The following NKAP variants were observed in gnomAD, a reference collection of about 807,000 sequenced individuals.
The protein encoded by NKAP is NF-kappa-B-activating protein.
Under a neutral mutation model 35.6 loss-of-function variants are expected in NKAP, and 4 were observed. That is an observed-to-expected ratio of 0.11 (90% confidence interval 0.06 to 0.26). The LOEUF is 0.26. NKAP is among the 10% of genes least tolerant of loss of function. The probability of loss-of-function intolerance (pLI) is 1.00; values close to 1 mark genes in which losing one functional copy is unlikely to be tolerated. For synonymous variants in NKAP, 106 were observed against 119.2 expected, an observed-to-expected ratio of 0.89 and a Z score of 0.72; for missense variants, 238 against 321.9, an observed-to-expected ratio of 0.74 and a Z score of 1.99.
intron 8 of NKAP, among the ~76,000 whole-genome samples, chrX:119,928,586 G>A (rs12719941): frequency 0.021 from 2,293 of 110,917 alleles, 49 homozygotes; most frequent in African/African-American, 0.064. Flanking sequence ...TTTTTAAGAC[G>A]GAGTTTCACT....
At chrX:119,943,103 TG>T in intron 1 of NKAP, 116 bp downstream of exon 1, 1 of 954,237 alleles carries the variant, frequency 1.0e-6, no homozygotes, top group Admixed American at 3.1e-5. Context: ...GGGATGAAAA[TG>T]GGCGCAAGGC....
chrX:119,934,589 A>C (rs1278323315), intron 4 of NKAP, 32 bp from the exon 5 acceptor site: 2 of 1,040,678 alleles, frequency 1.9e-6, no homozygotes, highest in Non-Finnish European at 2.6e-6. Context: ...AATTAAGAAA[A>C]AAATTTTTTA....
intron 1 of NKAP, among the ~76,000 whole-genome samples, chrX:119,939,257 T>A (rs926970294): frequency 3.6e-5 from 4 of 111,185 alleles, no homozygotes; most frequent in African/African-American, 1.3e-4. Context: ...CAACTGAAGT[T>A]CTGAAAATGA....
Position 119,932,172 on chromosome X carries a change from G to T in NKAP, c.782C>A (p.Ser261Tyr). 3.3e-6 allele frequency: 4 copies of T among 1,207,536 alleles called. No individual in the cohort carries two copies. The highest frequency in any genetic ancestry group is 4.5e-6 in the Non-Finnish European group (4 of 892,921). The change falls in exon 6 of 9, where the codon TCC becomes TAC. Residue 261 changes from serine to tyrosine, a missense_variant. Coordinates refer to ENST00000371410, the MANE Select transcript of NKAP (RefSeq NM_024528.4). ...GGATTCTTTAGAGCTTGAATCACTG[G>T]ACTCTTTTCTGCTCTTCTTAGACCT... ...KKRSKKSRKE[S>Y]SDSSSKESQE...
At chrX:119,943,191 A>ACAAGAGAAAGTGCGGCCGTCTCACTTT in intron 1 of NKAP, 29 bp downstream of exon 1, 1 of 1,156,353 alleles carries the variant, frequency 8.6e-7, no homozygotes, top group South Asian at 2.0e-5. Flanking sequence ...GTAGGCTCGT[A>ACAAGAGAAAGTGCGGCCGTCTCACTTT]CAAGAGAAAG....
At position 119,936,743 on chromosome X, in the gene NKAP, G is replaced by A. The variant is rs753054710; in HGVS notation, c.468-61C>T. 1.3e-4 allele frequency: 119 copies of A among 890,388 alleles called. No homozygotes were observed. The Middle Eastern group carries it at 1.7e-3, about 12-fold the overall frequency. The allele number at this position is 890,388 out of a possible 1,213,427, so 73.4% of individuals were successfully genotyped here. A position where few individuals can be genotyped will look rare whatever the true frequency, so the allele number is the denominator to read the frequency against. ...AGTGATGAGATATGGACCATGGAGT[G>A]TAAAGATATGAACTCCAAATTTTTC... On this transcript the variant is annotated intron_variant, in intron 2 of 8. Transcript: ENST00000371410.
Position 119,943,685 on chromosome X carries a change from C to A in NKAP, c.-80G>T. ...GGAAGATGTCTGTTGCCTTGGTTCCCGGGACCTGCCGCTGCGGAACAGCCC... is the reference window on the plus strand; with the variant it reads ...GGAAGATGTCTGTTGCCTTGGTTCCAGGGACCTGCCGCTGCGGAACAGCCC... On this transcript the variant is annotated 5_prime_UTR_variant, in exon 1 of 9. Coordinates refer to ENST00000371410, the MANE Select transcript of NKAP (RefSeq NM_024528.4). 1 of 1,049,081 alleles carries A rather than the reference C, an allele frequency of 9.5e-7. No individual in the cohort carries two copies. Among genetic ancestry groups the A allele is most frequent in the East Asian group, 3.1e-5 (1 of 31,766 alleles). The allele number at this position is 1,049,081 out of a possible 1,213,427, so 86.5% of individuals were successfully genotyped here.
At chrX:119,943,188 C>G (rs915809141) in intron 1 of NKAP, 32 bp downstream of exon 1, 1 of 1,152,081 alleles carries the variant, frequency 8.7e-7, no homozygotes, top group Admixed American at 2.7e-5. Context: ...CACGTAGGCT[C>G]GTACAAGAGA....
At chrX:119,934,611 G>T in intron 4 of NKAP, 54 bp from the exon 5 acceptor site, 2 of 880,804 alleles carry the variant, frequency 2.3e-6, no homozygotes, top group Non-Finnish European at 3.2e-6. Context: ...CTCTAAAACC[G>T]TAGTACTTTT....
rs1569470931 is a variant in NKAP, at chrX:119,923,712, T to G, written c.*1508A>C. On this transcript the variant is annotated 3_prime_UTR_variant, in exon 9 of 9. Transcript: ENST00000371410. ...GCTCATGCCTGTAATCCCAGCACTT[T>G]GGGAGGCCAAGGCGGGCGGATCACC... is the stretch of plus-strand genomic sequence containing the variant. 8.9e-6 allele frequency: 1 copy of G among 112,464 alleles called. No homozygotes were observed. The highest frequency in any genetic ancestry group is 1.9e-5 in the Non-Finnish European group (1 of 53,292). 9.3% of individuals were successfully genotyped at this position (112,464 alleles called of 1,213,427 possible). A position where few individuals can be genotyped will look rare whatever the true frequency, so the allele number is the denominator to read the frequency against.
At chrX:119,930,393 G>T (rs2056734404) in intron 7 of NKAP, among the ~76,000 whole-genome samples, 1 of 112,241 alleles carries the variant, frequency 8.9e-6, no homozygotes, top group African/African-American at 3.2e-5. Flanking sequence ...CAGAAATGCA[G>T]AAATATTTTG....
chrX:119,942,676 G>A (rs2056798880), intron 1 of NKAP, among the ~76,000 whole-genome samples: 1 of 111,176 alleles, frequency 9.0e-6, no homozygotes, highest in South Asian at 3.8e-4. Context: ...TGAGGGGAAG[G>A]TTTATTTCCT....
chrX:119,933,525 G>A (rs1373394965), intron 5 of NKAP, among the ~76,000 whole-genome samples: 1 of 111,731 alleles, frequency 9.0e-6, no homozygotes, highest in Non-Finnish European at 1.9e-5. Flanking sequence ...AAATACAGAG[G>A]ACAGAACATG....
At chrX:119,928,273 C>T (rs765485027) in intron 8 of NKAP, among the ~76,000 whole-genome samples, 1 of 112,257 alleles carries the variant, frequency 8.9e-6, no homozygotes, top group Admixed American at 9.5e-5. Flanking sequence ...GTATTGAATA[C>T]ACAATCTCTT....
chrX:119,940,430 T>C (rs756207731), intron 1 of NKAP, among the ~76,000 whole-genome samples: 4 of 110,567 alleles, frequency 3.6e-5, no homozygotes, highest in East Asian at 5.6e-4. Flanking sequence ...TAGTTCCTTT[T>C]TGGAAAAGGA....
rs1024948384 is a variant in NKAP at position 119,924,497 on chromosome X, TCTC to T, written c.*720_*722del. ...CCTCCGCCTCCTGGATTCAAGCAATTCTCCTGCCTCAGCCTCCCGAGTAGTTGG... is the reference window on the plus strand; with the variant it reads ...CCTCCGCCTCCTGGATTCAAGCAATTCTGCCTCAGCCTCCCGAGTAGTTGG... On this transcript the variant is annotated 3_prime_UTR_variant, in exon 9 of 9. Transcript: ENST00000371410. The T allele has an allele frequency of 9.2e-6, 1 of 109,271 alleles. No homozygotes were observed. The highest frequency in any genetic ancestry group is 3.3e-5 in the African/African-American group (1 of 29,977). 9.0% of individuals were successfully genotyped at this position (109,271 alleles called of 1,213,427 possible).
intron 3 of NKAP, 64 bp from the exon 4 acceptor site, chrX:119,936,495 G>A: frequency 2.0e-6 from 2 of 990,757 alleles, no homozygotes; most frequent in African/African-American, 2.0e-5. Flanking sequence ...AAAAGAAACA[G>A]ACGATGGGCA....
In NKAP at chrX:119,943,557, A is replaced by T. The variant is rs982594198; in HGVS notation, c.49T>A (p.Ser17Thr). 2 of 1,201,598 alleles carry T rather than the reference A, an allele frequency of 1.7e-6. No homozygotes were observed. The highest frequency in any genetic ancestry group is 5.9e-5 in the East Asian group (2 of 33,634). ...GACGAACTGCGACGTCTTCCCCCCG[A>T]GCCCGAGGCCTCCCTATCCGGGCTG... Reference protein sequence around the residue: ...SRSPDREASGSGGRRRSSSKS... With the variant: ...SRSPDREASGTGGRRRSSSKS... Residue 17 changes from serine (S) to threonine (T), a missense_variant, in exon 1 of 9, where the codon TCG (serine) becomes ACG (threonine). Physicochemically the swap from Ser to Thr is moderately conservative, Grantham distance 58. Coordinates refer to ENST00000371410, the MANE Select transcript of NKAP (RefSeq NM_024528.4).
At chrX:119,932,313 A>C (rs1174575289) in intron 5 of NKAP, 97 bp from the exon 6 acceptor site, 2 of 510,795 alleles carry the variant, frequency 3.9e-6, no homozygotes, top group African/African-American at 4.8e-5. Context: ...ACTGGTGACT[A>C]TACATCTTAA....
Sources: allele counts gnomAD v4.1 joint callset (sites outside exome capture counted in the v4.1 genomes callset), GRCh38; gene constraint gnomAD v4.1.1; transcripts MANE v1.5; gene names NCBI Gene and HGNC (gene_info 2026-07-23, HGNC 2026-07-21).